The following CTNNA3 variants were observed in gnomAD, a reference collection of about 807,000 sequenced individuals.
CTNNA3 encodes the protein catenin alpha 3, also known as catenin alpha-3.
In CTNNA3, 76 loss-of-function variants were observed where a neutral mutation model predicts 95.7. The observed-to-expected ratio is 0.79, with a 90% CI of 0.66 to 0.96. CTNNA3 has a LOEUF of 0.96. Ranked by LOEUF, CTNNA3 falls within the 40% of genes least tolerant of loss-of-function variation. CTNNA3 has a pLI of 0.00. For missense variants in CTNNA3, 1,191 were observed against 1,089.8 expected, an observed-to-expected ratio of 1.09 and a Z score of -1.31; for synonymous variants, 431 against 374.4, an observed-to-expected ratio of 1.15 and a Z score of -1.74.
intron 11 of CTNNA3, among the ~76,000 whole-genome samples, chr10:66,438,817 G>A (rs1431419757): frequency 1.3e-5 from 2 of 152,130 alleles, no homozygotes; most frequent in East Asian, 1.9e-4. Flanking sequence ...TAGGGCCCTG[G>A]GAGTGTAGGC....
chr10:67,313,862 T>C (rs117869901), intron 5 of CTNNA3, among the ~76,000 whole-genome samples: 1 of 152,284 alleles, frequency 6.6e-6, no homozygotes, highest in South Asian at 2.1e-4. Flanking sequence ...AAGAGGGTCA[T>C]ACTAGGTAGG....
chr10:66,084,544 T>C (rs1013118822), intron 14 of CTNNA3, among the ~76,000 whole-genome samples: 1 of 152,210 alleles, frequency 6.6e-6, no homozygotes, highest in Non-Finnish European at 1.5e-5. Context: ...AATAGATGTT[T>C]ACTAAATAAT....
chr10:66,929,809 T>C (rs12219173), intron 7 of CTNNA3, among the ~76,000 whole-genome samples: 1 of 152,216 alleles, frequency 6.6e-6, no homozygotes. Flanking sequence ...ACGAATATCA[T>C]AGCTTCCATA....
chr10:66,116,027 T>C (rs1442127057), intron 13 of CTNNA3, among the ~76,000 whole-genome samples: 1 of 152,192 alleles, frequency 6.6e-6, no homozygotes, highest in African/African-American at 2.4e-5. Context: ...GCAGCTTATA[T>C]ATAAAATAGA....
chr10:66,555,803 T>C (rs546910907), intron 10 of CTNNA3, among the ~76,000 whole-genome samples: 9 of 152,040 alleles, frequency 5.9e-5, no homozygotes, highest in Non-Finnish European at 8.8e-5. Flanking sequence ...TAAAGATAGC[T>C]CCCTGACACT....
At chr10:66,069,163 C>T in intron 15 of CTNNA3, 145 bp downstream of exon 15, 1 of 712,026 alleles carries the variant, frequency 1.4e-6, no homozygotes, top group Non-Finnish European at 2.4e-6. Context: ...TAGAATTGTA[C>T]ACCTACAACT....
At chr10:67,678,378 A>G (rs1473713291) in intron 1 of CTNNA3, among the ~76,000 whole-genome samples, 1 of 152,186 alleles carries the variant, frequency 6.6e-6, no homozygotes. Flanking sequence ...TGGCAAAAGA[A>G]AAAGACAATG....
chr10:67,129,429 A>C (rs1428212104), intron 7 of CTNNA3, among the ~76,000 whole-genome samples: 1 of 152,180 alleles, frequency 6.6e-6, no homozygotes, highest in Non-Finnish European at 1.5e-5. Context: ...TTAAGTTAAC[A>C]ACAATTCTGA....
chr10:66,515,345 C>CTCTA (rs558913767), intron 11 of CTNNA3, among the ~76,000 whole-genome samples: 26 of 148,892 alleles, frequency 1.7e-4, no homozygotes, highest in Admixed American at 4.0e-4. Context: ...CTCTCTCTCT[C>CTCTA]TATATATATA....
intron 5 of CTNNA3, among the ~76,000 whole-genome samples, chr10:67,367,821 T>C (rs1002952022): frequency 1.3e-5 from 2 of 152,202 alleles, no homozygotes; most frequent in Non-Finnish European, 2.9e-5. Context: ...ATACTGTATG[T>C]TCTTGCTTAT....
intron 7 of CTNNA3, among the ~76,000 whole-genome samples, chr10:67,018,502 G>A (rs1346694673): frequency 6.6e-6 from 1 of 152,304 alleles, no homozygotes; most frequent in African/African-American, 2.4e-5. Context: ...TTATAAACAT[G>A]TTTGGGAACA....
intron 12 of CTNNA3, among the ~76,000 whole-genome samples, chr10:66,349,497 C>A (rs1452099754): frequency 2.0e-5 from 3 of 151,976 alleles, no homozygotes; most frequent in African/African-American, 7.2e-5. Flanking sequence ...ACAAATATAC[C>A]TGGAAAATAA....
At position 66,192,225 on chromosome 10, in the gene CTNNA3, T is replaced by TC. The variant is rs201108474; in HGVS notation, c.1884+88244dup. Reference sequence around the variant, plus strand: ...TCCTTCTAGCAATACCTTCACACACTCCCCCGCCAGCAGAACTACACCCTA... The same window carrying TC: ...TCCTTCTAGCAATACCTTCACACACTCCCCCCGCCAGCAGAACTACACCCTA... On this transcript the variant is annotated intron_variant, in intron 13 of 17. Transcript: ENST00000433211. Among the ~76,000 whole-genome samples the TC allele has an allele frequency of 6.9e-3, 1,044 of 151,364 alleles. 19 individuals carry two copies. Among genetic ancestry groups the TC allele is most frequent in the African/African-American group, 0.024 (970 of 41,132 alleles).
chr10:67,263,862 T>C (rs141149623), intron 5 of CTNNA3, among the ~76,000 whole-genome samples: 224 of 152,206 alleles, frequency 1.5e-3, no homozygotes, highest in African/African-American at 5.0e-3. Flanking sequence ...AGAACTTCAA[T>C]TCCAATAAAT....
intron 11 of CTNNA3, among the ~76,000 whole-genome samples, chr10:66,393,380 A>C (rs2092948979): frequency 6.6e-6 from 1 of 152,108 alleles, no homozygotes; most frequent in Non-Finnish European, 1.5e-5. Context: ...ACATAATAAT[A>C]ATGTATCAGT....
intron 7 of CTNNA3, among the ~76,000 whole-genome samples, chr10:66,812,348 A>G (rs1589282533): frequency 6.6e-6 from 1 of 152,156 alleles, no homozygotes; most frequent in African/African-American, 2.4e-5. Flanking sequence ...TAGTGCTCAT[A>G]GAAATCTGGT....
chr10:67,377,779 ATTCAG>A (rs1434969922), intron 5 of CTNNA3, among the ~76,000 whole-genome samples: 2 of 152,212 alleles, frequency 1.3e-5, no homozygotes, highest in Non-Finnish European at 2.9e-5. Flanking sequence ...TGTTGGGAAC[ATTCAG>A]TTTCTTCCTT....
At chr10:66,556,503 T>C (rs531409401) in intron 10 of CTNNA3, among the ~76,000 whole-genome samples, 66 of 152,116 alleles carry the variant, frequency 4.3e-4, no homozygotes, top group African/African-American at 1.5e-3. Context: ...GATATATGTG[T>C]ACATATATCA....
chr10:67,438,146 T>G (rs571542652), intron 5 of CTNNA3, among the ~76,000 whole-genome samples: 1 of 152,292 alleles, frequency 6.6e-6, no homozygotes, highest in South Asian at 2.1e-4. Context: ...CCAAGTTGTT[T>G]TTCCCACTTA....
Sources: gnomAD v4.1 joint callset for allele counts (sites outside exome capture counted in the v4.1 genomes callset) on GRCh38, gnomAD v4.1.1 for gene constraint, MANE v1.5 for transcripts, NCBI Gene and HGNC (gene_info 2026-07-23, HGNC 2026-07-21) for gene names.